Variants in WWOX observed in about 807,000 individuals in gnomAD.
WWOX encodes the protein WW domain containing oxidoreductase.
Under a neutral mutation model 46.2 loss-of-function variants are expected in WWOX, and 69 were observed. That is an observed-to-expected ratio of 1.49 (90% CI 1.23 to 1.82). WWOX has a LOEUF of 1.82. WWOX is among the 40% of genes most tolerant of loss of function. The pLI is 0.00. For missense variants in WWOX, 919 were observed against 542.6 expected, an observed-to-expected ratio of 1.69 and a Z score of -6.89; for synonymous variants, 359 against 202.6, an observed-to-expected ratio of 1.77 and a Z score of -6.56.
At chr16:78,191,797 A>G (rs2035891870) in intron 5 of WWOX, among the ~76,000 whole-genome samples, 1 of 152,184 alleles carries the variant, frequency 6.6e-6, no homozygotes, top group Non-Finnish European at 1.5e-5. Flanking sequence ...ATGAACTGGA[A>G]TAATTATTAG....
intron 8 of WWOX, among the ~76,000 whole-genome samples, chr16:78,888,795 C>G (rs898223729): frequency 2.7e-5 from 4 of 146,588 alleles, no homozygotes; most frequent in African/African-American, 9.7e-5. Context: ...TGGTACAGTT[C>G]TAAGAGGATA....
chr16:78,564,378 A>G (rs60030948), intron 8 of WWOX, among the ~76,000 whole-genome samples: 7 of 152,330 alleles, frequency 4.6e-5, no homozygotes, highest in African/African-American at 1.7e-4. Context: ...ACCCTCGCTG[A>G]TGCCCTGGCT....
chr16:78,669,311 A>G (rs2047406400), intron 8 of WWOX, among the ~76,000 whole-genome samples: 1 of 152,238 alleles, frequency 6.6e-6, no homozygotes, highest in South Asian at 2.1e-4. Context: ...ATTTGTGTCT[A>G]TAAACAAAGT....
intron 8 of WWOX, among the ~76,000 whole-genome samples, chr16:78,474,068 G>C (rs1004756547): frequency 6.6e-6 from 1 of 152,194 alleles, no homozygotes; most frequent in Non-Finnish European, 1.5e-5. Flanking sequence ...AAGTGACATT[G>C]AGGACGTCTT....
intron 8 of WWOX, among the ~76,000 whole-genome samples, chr16:78,582,445 A>AT (rs1193600743): frequency 2.6e-5 from 4 of 152,274 alleles, no homozygotes; most frequent in East Asian, 1.9e-4. Context: ...CAAAAATTAT[A>AT]TTTTTTATAT....
chr16:78,912,196 T>G (rs79468032), intron 8 of WWOX, among the ~76,000 whole-genome samples: 1 of 152,068 alleles, frequency 6.6e-6, no homozygotes, highest in Non-Finnish European at 1.5e-5. Flanking sequence ...CTAGCTCTTA[T>G]TTATAGGAAC....
chr16:78,666,517 G>C (rs1380945478), intron 8 of WWOX, among the ~76,000 whole-genome samples: 2 of 152,082 alleles, frequency 1.3e-5, no homozygotes, highest in Non-Finnish European at 2.9e-5. Flanking sequence ...GATCTGCCTA[G>C]GTCAGCAAAT....
chr16:78,757,062 T>C (rs1348112555), intron 8 of WWOX: 2 of 702,222 alleles, frequency 2.8e-6, no homozygotes, highest in East Asian at 2.7e-5. Context: ...TAGTTAAGCC[T>C]TGAGGTGATT....
At position 78,416,124 on chromosome 16, in the gene WWOX, C is replaced by T. The variant is rs1224702043; in HGVS notation, c.606-8746C>T. ...ACCCAAGAAGAAGAAAAAAAATCAG[C>T]CCCTTAAAATGCTGACTAGTAACAT... On this transcript the variant is annotated intron_variant, in intron 6 of 8. Transcript: ENST00000566780. Among the ~76,000 whole-genome samples the T allele has an allele frequency of 3.3e-5, 5 of 152,310 alleles. No individual in the cohort carries two copies. In the East Asian group the frequency reaches 9.6e-4, roughly 29 times the overall value.
chr16:78,486,585 G>C (rs2738698), intron 8 of WWOX, among the ~76,000 whole-genome samples: 18 of 151,234 alleles, frequency 1.2e-4, no homozygotes, highest in African/African-American at 2.0e-4. Flanking sequence ...GTTTTGTTTT[G>C]TTTTGTTTTG....
intron 8 of WWOX, among the ~76,000 whole-genome samples, chr16:78,983,714 C>T (rs1030201874): frequency 1.3e-5 from 2 of 152,136 alleles, no homozygotes; most frequent in Admixed American, 6.5e-5. Flanking sequence ...AGCACATCTC[C>T]TTCTGGTCAA....
At chr16:78,143,752 G>GTTTTT (rs200125720) in intron 4 of WWOX, among the ~76,000 whole-genome samples, 42 of 120,182 alleles carry the variant, frequency 3.5e-4, no homozygotes, top group Non-Finnish European at 4.4e-4. Flanking sequence ...GAATTGGTAT[G>GTTTTT]TTTTTTTTTT....
intron 5 of WWOX, among the ~76,000 whole-genome samples, chr16:78,273,136 A>T (rs2079512519): frequency 6.6e-6 from 1 of 152,100 alleles, no homozygotes; most frequent in South Asian, 2.1e-4. Flanking sequence ...TCACCTCCCA[A>T]ATCCTTCTCA....
intron 8 of WWOX, among the ~76,000 whole-genome samples, chr16:78,882,380 T>G (rs927951948): frequency 1.3e-5 from 2 of 152,098 alleles, no homozygotes; most frequent in Non-Finnish European, 2.9e-5. Flanking sequence ...AGAGCCAGGA[T>G]TATCTTCCAT....
At chr16:79,149,215 C>G (rs1359410270) in intron 8 of WWOX, among the ~76,000 whole-genome samples, 1 of 152,080 alleles carries the variant, frequency 6.6e-6, no homozygotes, top group African/African-American at 2.4e-5. Context: ...TTCTCAATTC[C>G]TAAATTACTA....
At chr16:78,632,557 A>ATTTTTTT (rs545062752) in intron 8 of WWOX, among the ~76,000 whole-genome samples, 3,118 of 74,548 alleles carry the variant, frequency 0.042, 179 homozygotes, top group East Asian at 0.093. Context: ...TACTTGGCCA[A>ATTTTTTT]TTTTTTTTTT....
intron 5 of WWOX, among the ~76,000 whole-genome samples, chr16:78,249,457 T>C (rs1004664351): frequency 6.6e-6 from 1 of 152,348 alleles, no homozygotes; most frequent in Admixed American, 6.5e-5. Context: ...GAGTTTCTCC[T>C]TTATTTTAAA....
At chr16:78,789,439 A>T (rs930532140) in intron 8 of WWOX, among the ~76,000 whole-genome samples, 4 of 152,214 alleles carry the variant, frequency 2.6e-5, no homozygotes, top group African/African-American at 9.6e-5. Flanking sequence ...TTGCACCCTT[A>T]TCAGAGATCA....
chr16:78,295,031 A>T (rs1017021154), intron 5 of WWOX, among the ~76,000 whole-genome samples: 66 of 152,310 alleles, frequency 4.3e-4, no homozygotes, highest in South Asian at 8.3e-4. Flanking sequence ...TCCCCTGCCC[A>T]GGACAGGCTC....
Sources: allele counts gnomAD v4.1 joint callset (sites outside exome capture counted in the v4.1 genomes callset), GRCh38; gene constraint gnomAD v4.1.1; transcripts MANE v1.5; gene names NCBI Gene and HGNC (gene_info 2026-07-23, HGNC 2026-07-21).